Variants in ABCA13 observed in about 807,000 individuals in gnomAD.
The protein encoded by ABCA13 is ATP binding cassette subfamily A member 13, also known as ATP-binding cassette sub-family A member 13.
ABCA13 carries 476 observed loss-of-function variants against 478.7 expected under a neutral mutation model. That is an observed-to-expected ratio of 0.99 (90% CI 0.92 to 1.07). ABCA13 has a LOEUF of 1.07. Ranked by LOEUF, ABCA13 falls within the 50% of genes least tolerant of loss-of-function variation. The pLI, the probability that ABCA13 is intolerant of heterozygous loss-of-function variation, is 0.00. For synonymous variants in ABCA13, 2,252 were observed against 2,158.9 expected (o/e 1.04, Z -1.20); for missense variants, 6,060 against 5,910.6 (o/e 1.03, Z -0.83).
intron 54 of ABCA13, among the ~76,000 whole-genome samples, chr7:48,524,858 C>CA (rs11433174): frequency 0.084 from 12,767 of 152,132 alleles, 929 homozygotes; most frequent in African/African-American, 0.2. Flanking sequence ...ACTCATCCAC[C>CA]TAGCAATAGC....
At chr7:48,350,542 A>G in intron 29 of ABCA13, 101 bp from the exon 30 acceptor site, 1 of 1,319,428 alleles carries the variant, frequency 7.6e-7, no homozygotes, top group Non-Finnish European at 1.0e-6. Flanking sequence ...GGAAGAATTC[A>G]TATTCATTTT....
In ABCA13 at chr7:48,278,947, G is replaced by A. The variant is rs367901840; in HGVS notation, c.7753G>A (p.Glu2585Lys). 46 of 1,613,310 alleles carry A rather than the reference G, an allele frequency of 2.9e-5. No homozygotes were observed. The highest frequency in any genetic ancestry group is 3.3e-4 in the Middle Eastern group (2 of 6,084). The change falls in exon 18 of 62, where the codon GAA becomes AAA. Residue 2585 changes from glutamate to lysine, a missense_variant. Around this residue, in one of 3 missense-constraint regions of ABCA13, gnomAD observed 4,423 missense variants for 4,309.1 expected, o/e 1.03. Coordinates refer to ENST00000435803, the MANE Select transcript of ABCA13 (RefSeq NM_152701.5). ...AAAAAAAATAGATCATTTCACATTT[G>A]AAAAGATAAATGATTTGTTGGTGCC... ...TLKKIDHFTF[E>K]KINDLLVPFL... is the part of the protein sequence containing the mutation.
At chr7:48,497,667 A>G (rs1312399768) in intron 48 of ABCA13, among the ~76,000 whole-genome samples, 2 of 152,204 alleles carry the variant, frequency 1.3e-5, no homozygotes, top group Admixed American at 6.5e-5. Context: ...GCTTTTGTGC[A>G]GATGAGTGGG....
intron 34 of ABCA13, among the ~76,000 whole-genome samples, chr7:48,374,741 A>G (rs899975917): frequency 2.0e-5 from 3 of 152,100 alleles, no homozygotes; most frequent in Non-Finnish European, 4.4e-5. Flanking sequence ...GGGTGTGCAA[A>G]TGTGTCCATC....
chr7:48,252,164 G>C (rs1002291889), intron 15 of ABCA13, among the ~76,000 whole-genome samples: 1 of 152,016 alleles, frequency 6.6e-6, no homozygotes, highest in African/African-American at 2.4e-5. Flanking sequence ...TGGTTGGCTT[G>C]ATGGTGTCTC....
intron 55 of ABCA13, among the ~76,000 whole-genome samples, chr7:48,566,939 C>T (rs941574372): frequency 2.0e-5 from 3 of 152,058 alleles, no homozygotes; most frequent in Non-Finnish European, 4.4e-5. Context: ...AACATTCTAC[C>T]GAACTACTTA....
rs573792157 is a variant in ABCA13 at position 48,268,250 on chromosome 7, G to A, written c.2006-730G>A. On this transcript the variant is annotated intron_variant, in intron 15 of 61. Transcript: ENST00000435803. The stretch of plus-strand genomic sequence containing the variant: ...TGGCTCACTGCAATCTCCCCCTCCC[G>A]GGTTCAAACAATTCTCCTGCCTCAG... Among the ~76,000 whole-genome samples the A allele has an allele frequency of 9.7e-4, 147 of 151,970 alleles. 1 individual carries two copies. The highest frequency in any genetic ancestry group is 1.7e-3 in the Non-Finnish European group (115 of 67,956).
At chr7:48,406,580 T>C (rs74302687) in intron 39 of ABCA13, among the ~76,000 whole-genome samples, 1,795 of 152,266 alleles carry the variant, frequency 0.012, 57 homozygotes, top group East Asian at 0.1. Context: ...AACAGTAGCA[T>C]TGCTCTTTGA....
In ABCA13 at chr7:48,173,576, A is replaced by C. The variant is rs553491470; in HGVS notation, c.69+2024A>C. ...ATATTTAATGAAACCACCTCTTGGG[A>C]TATATCCTATAGATGTCCCTGCACA... On this transcript the variant is annotated intron_variant, in intron 1 of 61. Coordinates refer to ENST00000435803, the MANE Select transcript of ABCA13 (RefSeq NM_152701.5). Among the ~76,000 whole-genome samples, 16 of 152,350 alleles carry C rather than the reference A, an allele frequency of 1.1e-4. 1 individual carries two copies. The highest frequency in any genetic ancestry group is 3.4e-3 in the Middle Eastern group (1 of 294).
At chr7:48,210,308 GC>G (rs572065535) in intron 3 of ABCA13, among the ~76,000 whole-genome samples, 107 of 152,178 alleles carry the variant, frequency 7.0e-4, no homozygotes, top group African/African-American at 2.2e-3. Flanking sequence ...TGGGGGAACT[GC>G]CCCCATGATC....
intron 35 of ABCA13, among the ~76,000 whole-genome samples, chr7:48,376,895 G>T (rs933223762): frequency 1.3e-5 from 2 of 152,076 alleles, no homozygotes; most frequent in Admixed American, 6.5e-5. Context: ...TTTGGGGAGG[G>T]CAGGCATGAG....
At chr7:48,483,259 G>C (rs1299427219) in intron 47 of ABCA13, 96 bp downstream of exon 47, 2 of 1,033,834 alleles carry the variant, frequency 1.9e-6, no homozygotes, top group African/African-American at 3.2e-5. Flanking sequence ...AGAAGGACCA[G>C]ATTAAATCCA....
intron 43 of ABCA13, among the ~76,000 whole-genome samples, chr7:48,461,190 G>A (rs1476136601): frequency 6.6e-6 from 1 of 152,200 alleles, no homozygotes; most frequent in African/African-American, 2.4e-5. Context: ...TGGAGAGGAT[G>A]TAGCACACTC....
At chr7:48,213,551 A>C (rs1407239386) in intron 3 of ABCA13, among the ~76,000 whole-genome samples, 1 of 152,160 alleles carries the variant, frequency 6.6e-6, no homozygotes, top group African/African-American at 2.4e-5. Context: ...TGGTTGCTGG[A>C]GGTGGAAGTG....
chr7:48,558,846 A>T (rs540748804), intron 55 of ABCA13, among the ~76,000 whole-genome samples: 31 of 152,224 alleles, frequency 2.0e-4, no homozygotes, highest in African/African-American at 7.2e-4. Flanking sequence ...ATGTTCAGAG[A>T]TGTTTGTCAG....
intron 49 of ABCA13, among the ~76,000 whole-genome samples, chr7:48,506,634 C>G (rs1831236407): frequency 6.6e-6 from 1 of 152,168 alleles, no homozygotes. Flanking sequence ...TACTTCTAAG[C>G]AGAAATTCTT....
intron 39 of ABCA13, chr7:48,404,340 A>C: frequency 5.2e-6 from 1 of 194,140 alleles, no homozygotes; most frequent in Non-Finnish European, 1.1e-5. Flanking sequence ...CACATCTATT[A>C]TTGTTTCTTT....
intron 11 of ABCA13, among the ~76,000 whole-genome samples, chr7:48,244,953 T>A (rs1791444847): frequency 6.6e-6 from 1 of 152,216 alleles, no homozygotes. Flanking sequence ...TGCTGTGGCC[T>A]ATGACAAGCA....
At chr7:48,389,353 G>C (rs1306021692) in intron 37 of ABCA13, 133 bp downstream of exon 37, 8 of 1,035,140 alleles carry the variant, frequency 7.7e-6, no homozygotes, top group Non-Finnish European at 1.1e-5. Flanking sequence ...TTAGAGACAC[G>C]GGTGAAAGGC....
Sources: gnomAD v4.1 joint callset for allele counts (sites outside exome capture counted in the v4.1 genomes callset) on GRCh38, gnomAD v4.1.1 for gene constraint, gnomAD v4.1.1 regional missense constraint, MANE v1.5 for transcripts, NCBI Gene and HGNC (gene_info 2026-07-23, HGNC 2026-07-21) for gene names.